HMBOX1: variants seen among roughly 807,000 people sequenced by gnomAD.
HMBOX1 encodes homeobox-containing protein 1.
Under a neutral mutation model 54.5 loss-of-function variants are expected in HMBOX1, and 14 were observed. The ratio of observed to expected loss-of-function variants is 0.26; its 90% CI spans 0.17 to 0.40. The LOEUF is 0.40. Among genes scored for constraint, HMBOX1 ranks in the 10% least tolerant of loss-of-function variants. The probability of loss-of-function intolerance (pLI) is 1.00; values close to 1 mark genes in which losing one functional copy is unlikely to be tolerated. For synonymous variants in HMBOX1, 160 were observed against 181.0 expected (o/e 0.88, Z 0.93); for missense variants, 332 against 514.4 (o/e 0.65, Z 3.43).
At chr8:28,890,826 G>C (rs1810744092) in intron 1 of HMBOX1, 148 bp downstream of exon 1, 1 of 152,518 alleles carries the variant, frequency 6.6e-6, no homozygotes, top group South Asian at 2.1e-4. Flanking sequence ...ATTGAGAGGA[G>C]GGAGGAAGCA....
At chr8:28,971,900 C>A (rs17525359) in intron 3 of HMBOX1, among the ~76,000 whole-genome samples, 14,945 of 151,850 alleles carry the variant, frequency 0.098, 976 homozygotes, top group Middle Eastern at 0.16. Context: ...GAAACTGTAA[C>A]AGGAATTTGT....
chr8:28,909,227 G>A (rs188037281), intron 1 of HMBOX1, among the ~76,000 whole-genome samples: 40 of 152,250 alleles, frequency 2.6e-4, no homozygotes, highest in South Asian at 2.1e-4. Flanking sequence ...ATGGCCAGTT[G>A]TAGGATGGTA....
At chr8:28,925,562 T>C (rs1056147993) in intron 1 of HMBOX1, among the ~76,000 whole-genome samples, 2 of 152,198 alleles carry the variant, frequency 1.3e-5, no homozygotes, top group African/African-American at 4.8e-5. Flanking sequence ...TGTGTTGTTT[T>C]TAGTAAAGCA....
chr8:28,910,380 A>G (rs1012617450), intron 1 of HMBOX1, among the ~76,000 whole-genome samples: 2 of 152,198 alleles, frequency 1.3e-5, no homozygotes, highest in African/African-American at 4.8e-5. Flanking sequence ...TGACATTTGC[A>G]TGCAACTTTT....
intron 1 of HMBOX1, chr8:28,891,353 T>G (rs892397371): frequency 6.6e-5 from 10 of 152,308 alleles, no homozygotes; most frequent in African/African-American, 2.2e-4. Flanking sequence ...AGATGGATTT[T>G]TTGCATCCTC....
chr8:28,917,496 T>C (rs1816774016), intron 1 of HMBOX1, among the ~76,000 whole-genome samples: 2 of 152,318 alleles, frequency 1.3e-5, no homozygotes, highest in South Asian at 4.1e-4. Context: ...ACATTGCGTA[T>C]GAATAGAAAA....
intron 7 of HMBOX1, among the ~76,000 whole-genome samples, chr8:29,046,086 C>T (rs1371857866): frequency 6.6e-6 from 1 of 152,172 alleles, no homozygotes; most frequent in East Asian, 1.9e-4. Flanking sequence ...GTTAACAGAT[C>T]CAGTTGATTT....
chr8:28,932,944 C>G (rs1054864560), intron 1 of HMBOX1, among the ~76,000 whole-genome samples: 12 of 152,136 alleles, frequency 7.9e-5, no homozygotes, highest in African/African-American at 2.9e-4. Context: ...ATGGTGATCT[C>G]TGTGTAGCTC....
intron 1 of HMBOX1, among the ~76,000 whole-genome samples, chr8:28,922,749 G>A (rs1352940585): frequency 6.6e-6 from 1 of 152,048 alleles, no homozygotes; most frequent in East Asian, 1.9e-4. Flanking sequence ...TTGAAGAGGA[G>A]TAACAATATA....
intron 6 of HMBOX1, among the ~76,000 whole-genome samples, chr8:29,039,760 T>A (rs1334293905): frequency 6.6e-6 from 1 of 152,226 alleles, no homozygotes; most frequent in South Asian, 2.1e-4. Flanking sequence ...ACTCAGAGGA[T>A]TTTAGTTTAC....
intron 1 of HMBOX1, among the ~76,000 whole-genome samples, chr8:28,926,929 A>T (rs1423929261): frequency 6.6e-6 from 1 of 152,198 alleles, no homozygotes; most frequent in Non-Finnish European, 1.5e-5. Context: ...GGAGTTTTTA[A>T]TCACATGATC....
chr8:28,987,717 A>T (rs891166257), intron 4 of HMBOX1, among the ~76,000 whole-genome samples: 2 of 152,192 alleles, frequency 1.3e-5, no homozygotes, highest in Non-Finnish European at 2.9e-5. Context: ...AAATCTGCTT[A>T]AGTAAGGAAC....
intron 4 of HMBOX1, among the ~76,000 whole-genome samples, chr8:28,984,486 G>A (rs1401767306): frequency 6.6e-6 from 1 of 152,178 alleles, no homozygotes; most frequent in African/African-American, 2.4e-5. Flanking sequence ...GAAGTTCATG[G>A]GTGGGGTCTG....
intron 1 of HMBOX1, among the ~76,000 whole-genome samples, chr8:28,942,529 T>G (rs920823644): frequency 2.0e-5 from 3 of 152,236 alleles, no homozygotes; most frequent in Admixed American, 2.0e-4. Flanking sequence ...CAGTTTCTTT[T>G]GTATCCTTCC....
At chr8:29,039,612 A>G (rs552343152) in intron 6 of HMBOX1, among the ~76,000 whole-genome samples, 75 of 152,164 alleles carry the variant, frequency 4.9e-4, no homozygotes, top group Non-Finnish European at 8.8e-4. Flanking sequence ...CTTACTGTCT[A>G]TTATATGCCA....
intron 1 of HMBOX1, among the ~76,000 whole-genome samples, chr8:28,904,682 C>CT (rs933350008): frequency 5.0e-3 from 703 of 141,730 alleles, no homozygotes; most frequent in Non-Finnish European, 6.6e-3. Flanking sequence ...TCTTCACACT[C>CT]TTTTTTTTTT....
chr8:28,964,090 A>G (rs1826054841), intron 2 of HMBOX1, among the ~76,000 whole-genome samples, 200 bp downstream of exon 2: 1 of 152,214 alleles, frequency 6.6e-6, no homozygotes, highest in African/African-American at 2.4e-5. Flanking sequence ...GAATTTTTAA[A>G]TCTATCAGCC....
At chr8:29,033,588 A>G (rs1384513879) in intron 6 of HMBOX1, among the ~76,000 whole-genome samples, 2 of 152,236 alleles carry the variant, frequency 1.3e-5, no homozygotes, top group Non-Finnish European at 2.9e-5. Flanking sequence ...TCAAACAGAA[A>G]TAGCCAGAAG....
At position 28,970,373 on chromosome 8, in the gene HMBOX1, G is replaced by A. The variant is rs778543024; in HGVS notation, c.354G>A (p.Gly118=). The A allele has an allele frequency of 1.2e-6, 2 of 1,614,158 alleles. No individual in the cohort carries two copies. The highest frequency in any genetic ancestry group is 2.2e-5 in the South Asian group (2 of 91,084). ...AGCCTTGCACTACCAATCAAAATGG[G>A]AGGGAGAATAATGAGCGATTATCTA... The part of the protein sequence containing the change: ...SPQPCTTNQN[G]RENNERLSTS... The change falls in exon 3 of 10, where the codon GGG becomes GGA. Residue 118 remains glycine (G), a synonymous_variant. Transcript: ENST00000287701. This position sits in a 1 kb window ranked among gnomAD's most constrained non-coding sequence, Gnocchi z 4.3.
Sources: allele counts gnomAD v4.1 joint callset (sites outside exome capture counted in the v4.1 genomes callset), GRCh38; gene constraint gnomAD v4.1.1; non-coding constraint Gnocchi (gnomAD v3.1); transcripts MANE v1.5; gene names NCBI Gene and HGNC (gene_info 2026-07-23, HGNC 2026-07-21).